Variants in POLI observed in about 807,000 individuals in gnomAD.
POLI encodes the protein RAD30 homolog B.
POLI carries 58 observed loss-of-function variants against 51.6 expected under a neutral mutation model. That is an observed-to-expected ratio of 1.12 (90% CI 0.91 to 1.40). The LOEUF (loss-of-function observed/expected upper bound fraction) is 1.40. Ranked by LOEUF, POLI falls within the 40% of genes most tolerant of loss-of-function variation. The pLI, the probability that POLI is intolerant of heterozygous loss-of-function variation, is 0.00. For missense variants in POLI, 921 were observed against 871.3 expected (o/e 1.06, Z -0.72); for synonymous variants, 322 against 299.7 (o/e 1.07, Z -0.77).
At position 54,304,461 on chromosome 18, in the gene POLI, C is replaced by T. The variant is rs371553119; in HGVS notation, c.334-15812C>T. Among the ~76,000 whole-genome samples the T allele has an allele frequency of 1.2e-3, 180 of 152,216 alleles. 4 individuals are homozygous for T. The South Asian group carries it at 0.03, about 25-fold the overall frequency. ...TTTTAATGATCGCCATTCTAACTGG[C>T]GTGAGATGGTATCTCATTGTGGTTT... On this transcript the variant is annotated intron_variant, in intron 3 of 4. Transcript: ENST00000579823.
intron 3 of POLI, among the ~76,000 whole-genome samples, chr18:54,276,897 G>T (rs1303029923): frequency 1.3e-5 from 2 of 152,148 alleles, no homozygotes; most frequent in Non-Finnish European, 2.9e-5. Context: ...ATGCATTTTT[G>T]TATACTAAGA....
chr18:54,285,556 A>G (rs2087708311), intron 7 of POLI, among the ~76,000 whole-genome samples: 2 of 116,108 alleles, frequency 1.7e-5, no homozygotes, highest in African/African-American at 3.8e-5. Flanking sequence ...GTGTGTGTGT[A>G]TTTGTGTATA....
At position 54,296,974 on chromosome 18, in the gene POLI, G is replaced by A. The variant is rs1310276100; in HGVS notation, c.*2507G>A. 5 of 984,746 alleles carry A rather than the reference G, an allele frequency of 5.1e-6. No individual in the cohort carries two copies. Among genetic ancestry groups the A allele is most frequent in the Non-Finnish European group, 6.0e-6 (5 of 829,408 alleles). 61.0% of individuals were successfully genotyped at this position (984,746 alleles called of 1,614,324 possible). ...TTTCCTTGAGTATGTGTTAATCTGCGAGAAGACAGAGGGCCTAAATTGTGT... is the reference window on the plus strand; with the variant it reads ...TTTCCTTGAGTATGTGTTAATCTGCAAGAAGACAGAGGGCCTAAATTGTGT... On this transcript the variant is annotated 3_prime_UTR_variant, in exon 10 of 10. Transcript: ENST00000579534.
At chr18:54,284,395 A>G (rs1303852476) in intron 7 of POLI, among the ~76,000 whole-genome samples, 1 of 152,240 alleles carries the variant, frequency 6.6e-6, no homozygotes, top group African/African-American at 2.4e-5. Flanking sequence ...CCTAATAGTT[A>G]GTTGCATTTC....
At chr18:54,312,199 G>A (rs1400049915) in intron 3 of POLI, among the ~76,000 whole-genome samples, 2 of 152,058 alleles carry the variant, frequency 1.3e-5, no homozygotes, top group East Asian at 1.9e-4. Context: ...GTGAGAAAAC[G>A]CAGTATTTGA....
chr18:54,284,071 T>A (rs1413921267), intron 7 of POLI, 58 bp downstream of exon 7: 1 of 583,090 alleles, frequency 1.7e-6, no homozygotes, highest in Non-Finnish European at 3.1e-6. Context: ...ATACGGTATG[T>A]GGAAAGAATA....
chr18:54,298,389 G>A (rs533664826), downstream of POLI, among the ~76,000 whole-genome samples: 3 of 152,084 alleles, frequency 2.0e-5, no homozygotes, highest in East Asian at 5.8e-4. Flanking sequence ...TTGTTTTTTT[G>A]AAGTGAGCTA....
At chr18:54,316,933 A>G (rs2088740639) in intron 3 of POLI, among the ~76,000 whole-genome samples, 1 of 152,132 alleles carries the variant, frequency 6.6e-6, no homozygotes, top group Non-Finnish European at 1.5e-5. Flanking sequence ...GTTAAAGGTA[A>G]TATATAGGAG....
chr18:54,269,852 G>A (rs562795827), intron 1 of POLI, 191 bp downstream of exon 1: 1 of 1,334,250 alleles, frequency 7.5e-7, no homozygotes, highest in South Asian at 2.0e-5. Flanking sequence ...TCACCCAGCA[G>A]GAGTAGGGTG....
In POLI at chr18:54,293,885, A is replaced by G. The variant is rs754491770; in HGVS notation, c.1641A>G (p.Lys547=). The G allele has an allele frequency of 3.0e-5, 48 of 1,613,004 alleles. No homozygotes were observed. The highest frequency in any genetic ancestry group is 3.9e-5 in the Non-Finnish European group (46 of 1,179,442). The change falls in exon 10 of 10, where the codon AAA becomes AAG. Residue 547 remains lysine, a synonymous_variant. Transcript: ENST00000579534. ...TTCAAGAAGAAATCCTTTCTGGAAA[A>G]TCTAGGGAAAAATTTCAAGGGAAAG... ...VDIQEEILSG[K]SREKFQGKGS...
rs77607189 is a variant in POLI, at chr18:54,269,597, C to T, written c.51C>T (p.Asp17=). 19 of 1,128,956 alleles carry T rather than the reference C, an allele frequency of 1.7e-5. 1 individual carries two copies. Among genetic ancestry groups the T allele is most frequent in the South Asian group, 1.1e-4 (7 of 65,962 alleles). The allele number at this position is 1,128,956 out of a possible 1,614,324, so 69.9% of individuals were successfully genotyped here. ...EPEEEGGGDD[D]EEDAEAWAME... is the part of the protein sequence containing the mutation. ...AGGAGGAAGGCGGCGGCGACGACGA[C>T]GAGGAAGACGCCGAGGCCTGGGCCA... is the stretch of plus-strand genomic sequence containing the variant. The change falls in exon 1 of 10, where the codon GAC becomes GAT. Residue 17 remains aspartate (D), a synonymous_variant. Transcript: ENST00000579534.
At chr18:54,288,520 G>A (rs1344407360) in intron 8 of POLI, among the ~76,000 whole-genome samples, 2 of 152,046 alleles carry the variant, frequency 1.3e-5, no homozygotes, top group East Asian at 1.9e-4. Flanking sequence ...AAAATTAATT[G>A]ACCATAAATA....
In POLI at chr18:54,271,693, C is replaced by T. The variant is rs145791860; in HGVS notation, c.241+208C>T. ...GTGGTGAATCTGAGAATAGTGTAGT[C>T]GGCAGAACAAATGAAGAGAAAGCAG... is the stretch of plus-strand genomic sequence containing the variant. On this transcript the variant is annotated intron_variant, in intron 2 of 9. Transcript: ENST00000579534. 3.3e-5 allele frequency among the ~76,000 whole-genome samples: 5 copies of T among 152,134 alleles called. No homozygotes were observed. In the East Asian group the frequency reaches 5.8e-4, roughly 18 times the overall value.
intron 5 of POLI, 68 bp from the exon 6 acceptor site, chr18:54,282,769 A>C: frequency 1.2e-6 from 1 of 823,994 alleles, no homozygotes; most frequent in Non-Finnish European, 1.9e-6. Flanking sequence ...TATATTTATA[A>C]TATTTTAATT....
Position 54,297,911 on chromosome 18 carries a change from G to A in POLI, c.*3444G>A, listed in dbSNP as rs995525497. 1.0e-6 allele frequency: 1 copy of A among 979,528 alleles called. No individual in the cohort carries two copies. Among genetic ancestry groups the A allele is most frequent in the African/African-American group, 1.8e-5 (1 of 57,090 alleles). 60.7% of individuals were successfully genotyped at this position (979,528 alleles called of 1,614,324 possible). On this transcript the variant is annotated 3_prime_UTR_variant, in exon 10 of 10. Coordinates refer to ENST00000579534, the MANE Select transcript of POLI (RefSeq NM_007195.3). ...GTGTGTCAGATGTTCCTTCTAGGTA[G>A]AATTCTTTATACCTTCTGAAATTAT...
chr18:54,293,003 T>C (rs1273757849), intron 9 of POLI, among the ~76,000 whole-genome samples: 2 of 152,104 alleles, frequency 1.3e-5, no homozygotes, highest in Admixed American at 6.6e-5. Context: ...TCTACTACTT[T>C]TACTTTTTTG....
chr18:54,292,437 T>G lies in POLI; in HGVS notation c.1404+399T>G, dbSNP rs80048634. Among the ~76,000 whole-genome samples the G allele has an allele frequency of 5.0e-3, 758 of 152,230 alleles. 8 individuals carry two copies. Among genetic ancestry groups the G allele is most frequent in the African/African-American group, 0.017 (722 of 41,566 alleles). ...TTCCCATGATTCTTTTGTTAAAGTA[T>G]TTACATTTTCTTCATTTTGAAATAG... is the stretch of plus-strand genomic sequence containing the variant. On this transcript the variant is annotated intron_variant, in intron 9 of 9. Coordinates refer to ENST00000579534, the MANE Select transcript of POLI (RefSeq NM_007195.3).
intron 8 of POLI, chr18:54,287,816 C>G (rs905475866): frequency 6.5e-6 from 1 of 154,642 alleles, no homozygotes; most frequent in Admixed American, 6.4e-5. Flanking sequence ...CCTCAGCCTC[C>G]GAAAGTGCTG....
At chr18:54,302,874 T>C (rs1459438322), downstream of POLI, among the ~76,000 whole-genome samples, 2 of 152,200 alleles carry the variant, frequency 1.3e-5, no homozygotes, top group African/African-American at 4.8e-5. Flanking sequence ...CATGGAAAGT[T>C]TGTCTTTCTG....
Sources: gnomAD v4.1 joint callset for allele counts (sites outside exome capture counted in the v4.1 genomes callset) on GRCh38, gnomAD v4.1.1 for gene constraint, MANE v1.5 for transcripts, NCBI Gene and HGNC (gene_info 2026-07-23, HGNC 2026-07-21) for gene names.